Variants in RIMS2 observed in about 807,000 individuals in gnomAD.
RIMS2 encodes regulating synaptic membrane exocytosis protein 2.
RIMS2 carries 59 observed loss-of-function variants against 174.4 expected under a neutral mutation model. The observed-to-expected ratio is 0.34, with a 90% CI of 0.27 to 0.42. The LOEUF is 0.42. RIMS2 is among the 10% of genes least tolerant of loss of function. RIMS2 has a pLI of 1.00. For synonymous variants in RIMS2, 606 were observed against 572.5 expected, an observed-to-expected ratio of 1.06 and a Z score of -0.84; for missense variants, 1,620 against 1,666.3, an observed-to-expected ratio of 0.97 and a Z score of 0.48.
At chr8:104,142,408 C>T (rs941440417) in intron 19 of RIMS2, among the ~76,000 whole-genome samples, 10 of 152,046 alleles carry the variant, frequency 6.6e-5, no homozygotes, top group South Asian at 4.1e-4. Context: ...GGATTACAGA[C>T]GTGAGCCACT....
At chr8:104,089,566 T>C (rs1038849868) in intron 19 of RIMS2, among the ~76,000 whole-genome samples, 2 of 151,848 alleles carry the variant, frequency 1.3e-5, no homozygotes, top group African/African-American at 4.8e-5. Context: ...CTGTCCAGAT[T>C]TCTCATTTTT....
Position 103,918,999 on chromosome 8 carries a change from C to A in RIMS2, c.2083+512C>A, listed in dbSNP as rs180796137. Among the ~76,000 whole-genome samples, 407 of 152,178 alleles carry A rather than the reference C, an allele frequency of 2.7e-3. 2 individuals are homozygous for A. The highest frequency in any genetic ancestry group is 4.4e-3 in the Non-Finnish European group (296 of 68,002). ...AAGTGGGATAACAGTTCTGATTTAA[C>A]GTCAGAGCAGTAGTGGAACAATAAA... On this transcript the variant is annotated intron_variant, in intron 9 of 23. Transcript: ENST00000504942.
intron 11 of RIMS2, among the ~76,000 whole-genome samples, chr8:103,928,805 A>G (rs941668043): frequency 6.6e-6 from 1 of 151,480 alleles, no homozygotes; most frequent in African/African-American, 2.4e-5. Context: ...TAATATTTTT[A>G]TTAATGAAAT....
intron 19 of RIMS2, among the ~76,000 whole-genome samples, chr8:104,027,893 C>T (rs1404511414): frequency 6.6e-6 from 1 of 152,074 alleles, no homozygotes; most frequent in Non-Finnish European, 1.5e-5. Flanking sequence ...CATATTGGAA[C>T]ATATAATATT....
At chr8:103,948,209 A>G (rs2084320252) in intron 14 of RIMS2, among the ~76,000 whole-genome samples, 1 of 152,236 alleles carries the variant, frequency 6.6e-6, no homozygotes, top group Non-Finnish European at 1.5e-5. Context: ...AAGAATGTGG[A>G]GAAATTGGAA....
chr8:104,008,896 G>A (rs1207858746), intron 17 of RIMS2, among the ~76,000 whole-genome samples: 1 of 151,830 alleles, frequency 6.6e-6, no homozygotes, highest in East Asian at 1.9e-4. Context: ...TACACCCAAG[G>A]ATAAATTAAT....
intron 1 of RIMS2, among the ~76,000 whole-genome samples, chr8:103,595,279 A>G (rs1402048364): frequency 1.3e-5 from 2 of 151,892 alleles, no homozygotes; most frequent in Non-Finnish European, 2.9e-5. Flanking sequence ...ATTAATCCTC[A>G]TCATATAAAC....
chr8:104,071,002 TAAC>T (rs2097186490), intron 19 of RIMS2, among the ~76,000 whole-genome samples: 1 of 152,082 alleles, frequency 6.6e-6, no homozygotes, highest in Non-Finnish European at 1.5e-5. Context: ...CTGAGCTTCT[TAAC>T]AAGCAGCAAA....
intron 19 of RIMS2, among the ~76,000 whole-genome samples, chr8:104,043,022 T>A (rs963727808): frequency 6.6e-6 from 1 of 151,486 alleles, no homozygotes; most frequent in African/African-American, 2.4e-5. Flanking sequence ...GAAGAGAATT[T>A]AAAAAAATCT....
intron 1 of RIMS2, among the ~76,000 whole-genome samples, chr8:103,651,511 T>C (rs1283333268): frequency 3.3e-5 from 5 of 152,212 alleles, no homozygotes; most frequent in African/African-American, 4.8e-5. Flanking sequence ...TTTTTCTATA[T>C]GCTATTTTAG....
intron 1 of RIMS2, among the ~76,000 whole-genome samples, chr8:103,593,891 A>G (rs1266756658): frequency 6.6e-6 from 1 of 151,426 alleles, no homozygotes; most frequent in Non-Finnish European, 1.5e-5. Context: ...TATTAAACAA[A>G]AGCACATTGA....
At chr8:104,202,183 T>G (rs145308577) in intron 19 of RIMS2, among the ~76,000 whole-genome samples, 1 of 152,280 alleles carries the variant, frequency 6.6e-6, no homozygotes, top group East Asian at 1.9e-4. Flanking sequence ...TAATTTACCT[T>G]TGTTTAAACT....
intron 19 of RIMS2, among the ~76,000 whole-genome samples, chr8:104,018,518 A>C (rs2154554587): frequency 6.6e-6 from 1 of 152,316 alleles, no homozygotes; most frequent in Middle Eastern, 3.4e-3. Context: ...CCTGATGTTT[A>C]AATCAAACTA....
At chr8:103,672,577 A>T (rs1457400776) in intron 1 of RIMS2, among the ~76,000 whole-genome samples, 2 of 151,852 alleles carry the variant, frequency 1.3e-5, no homozygotes, top group Non-Finnish European at 2.9e-5. Context: ...GAGAGGTGCC[A>T]CACACTTTTA....
chr8:103,768,063 G>A (rs2098199020), intron 3 of RIMS2, among the ~76,000 whole-genome samples: 1 of 152,184 alleles, frequency 6.6e-6, no homozygotes, highest in South Asian at 2.1e-4. Context: ...AATGGTGAAT[G>A]ATGAGGCAAT....
At chr8:103,505,071 C>A (rs1822796565) in intron 1 of RIMS2, among the ~76,000 whole-genome samples, 1 of 151,904 alleles carries the variant, frequency 6.6e-6, no homozygotes, top group South Asian at 2.1e-4. Flanking sequence ...CCAGGCTGGT[C>A]TTGAACTCCT....
intron 16 of RIMS2, chr8:103,976,548 C>CTTTTTTTTTTTTTTTTTTTTTT (rs768820871): frequency 8.0e-6 from 1 of 124,568 alleles, no homozygotes; most frequent in Non-Finnish European, 1.7e-5. Flanking sequence ...TTTTCTTTTT[C>CTTTTTTTTTTTTTTTTTTTTTT]TTTTTTTTTT....
intron 19 of RIMS2, among the ~76,000 whole-genome samples, chr8:104,206,008 G>C (rs2099078384): frequency 6.6e-6 from 1 of 152,086 alleles, no homozygotes; most frequent in Admixed American, 6.6e-5. Context: ...CACCTGCCTT[G>C]GCCTCCCAAA....
intron 1 of RIMS2, among the ~76,000 whole-genome samples, chr8:103,637,235 T>G (rs1344530796): frequency 6.6e-6 from 1 of 152,210 alleles, no homozygotes; most frequent in Non-Finnish European, 1.5e-5. Flanking sequence ...ATTTTGGTAT[T>G]TCTTCTATTA....
Sources: allele counts gnomAD v4.1 joint callset (sites outside exome capture counted in the v4.1 genomes callset), GRCh38; gene constraint gnomAD v4.1.1; transcripts MANE v1.5; gene names NCBI Gene and HGNC (gene_info 2026-07-23, HGNC 2026-07-21).